FAM107B: variants seen among roughly 807,000 people sequenced by gnomAD.
FAM107B encodes the protein family with sequence similarity 107 member B.
A neutral mutation model predicts 31.5 loss-of-function variants in FAM107B; 21 were observed. That is an observed-to-expected ratio of 0.67 (90% CI 0.47 to 0.96). FAM107B has a LOEUF of 0.96. Ranked by LOEUF, FAM107B falls within the 40% of genes least tolerant of loss-of-function variation. FAM107B has a pLI of 0.00. For synonymous variants in FAM107B, 157 were observed against 141.5 expected, an observed-to-expected ratio of 1.11 and a Z score of -0.78; for missense variants, 452 against 377.1, an observed-to-expected ratio of 1.20 and a Z score of -1.64.
intron 2 of FAM107B, among the ~76,000 whole-genome samples, chr10:14,655,134 T>C (rs1332708520): frequency 6.6e-6 from 1 of 152,124 alleles, no homozygotes; most frequent in Non-Finnish European, 1.5e-5. Flanking sequence ...GGTGCCAGAT[T>C]CTTTAACCGT....
chr10:14,692,375 C>T (rs1855158812), intron 1 of FAM107B, among the ~76,000 whole-genome samples: 1 of 152,142 alleles, frequency 6.6e-6, no homozygotes, highest in Admixed American at 6.5e-5. Context: ...GAATTTCAGG[C>T]TGTTCTACTT....
chr10:14,531,927 G>A (rs1406471771), intron 2 of FAM107B, among the ~76,000 whole-genome samples: 1 of 152,200 alleles, frequency 6.6e-6, no homozygotes, highest in Non-Finnish European at 1.5e-5. Context: ...TCTACACTGA[G>A]TCTGTGTTCT....
At chr10:14,621,670 G>T (rs1853013299) in intron 2 of FAM107B, among the ~76,000 whole-genome samples, 1 of 152,232 alleles carries the variant, frequency 6.6e-6, no homozygotes, top group Non-Finnish European at 1.5e-5. Flanking sequence ...CAGACTAGAA[G>T]CATCTGTTGA....
rs1369913445 is a variant in FAM107B, at chr10:14,551,759, G to A, written c.470-21244C>T. On this transcript the variant is annotated intron_variant, in intron 2 of 4. Transcript: ENST00000181796. ...CTGATAACAACATATTATCACCAAT[G>A]TTAAGGAATATCTTTTTCTCCTTCT... is the stretch of plus-strand genomic sequence containing the variant. Among the ~76,000 whole-genome samples the A allele has an allele frequency of 7.2e-5, 11 of 151,976 alleles. No homozygotes were observed. The East Asian group carries it at 1.9e-3, about 27-fold the overall frequency.
chr10:14,746,162 C>T (rs1270716314), intron 1 of FAM107B, among the ~76,000 whole-genome samples: 2 of 152,078 alleles, frequency 1.3e-5, no homozygotes, highest in Non-Finnish European at 2.9e-5. Context: ...AATTTTCCTC[C>T]ATCCCTTTAT....
chr10:14,601,334 A>C lies in FAM107B; in HGVS notation c.469+66300T>G, dbSNP rs143340324. Among the ~76,000 whole-genome samples the C allele has an allele frequency of 9.5e-3, 1,451 of 152,330 alleles. 29 individuals carry two copies. The highest frequency in any genetic ancestry group is 0.033 in the African/African-American group (1,382 of 41,560). On this transcript the variant is annotated intron_variant, in intron 2 of 4. Transcript: ENST00000181796. ...TGGGTAAGACTGTCCATTCCTCTTC[A>C]GCACGTTTCCTAAGTACTTAGGGTG...
chr10:14,596,801 G>C (rs919120391), intron 2 of FAM107B, among the ~76,000 whole-genome samples: 2 of 152,122 alleles, frequency 1.3e-5, no homozygotes, highest in African/African-American at 4.8e-5. Flanking sequence ...CCTATCCTAA[G>C]GGGTGGCCCA....
chr10:14,556,341 A>C (rs1353147602), intron 2 of FAM107B: 1 of 985,292 alleles, frequency 1.0e-6, no homozygotes, highest in Non-Finnish European at 1.2e-6. Context: ...CCAAATGCAC[A>C]GAAGATCTAG....
intron 2 of FAM107B, among the ~76,000 whole-genome samples, chr10:14,601,523 ACTCGAC>A (rs1296110948): frequency 6.6e-6 from 1 of 152,100 alleles, no homozygotes; most frequent in Non-Finnish European, 1.5e-5. Flanking sequence ...CCAAGGCCAC[ACTCGAC>A]CCCATGATGC....
chr10:14,559,508 T>C (rs1850046620), intron 2 of FAM107B, among the ~76,000 whole-genome samples: 1 of 149,372 alleles, frequency 6.7e-6, no homozygotes, highest in Admixed American at 6.7e-5. Flanking sequence ...AAGGGTCCCC[T>C]AAGCAATTTC....
chr10:14,537,127 G>C lies in FAM107B; in HGVS notation c.470-6612C>G, dbSNP rs549505718. On this transcript the variant is annotated intron_variant, in intron 2 of 4. Transcript: ENST00000181796. ...GTGGCGACACCTCCTCAACTAATGA[G>C]GTGTCCAGACCTGGAATGGCAGGTC... 1.8e-3 allele frequency among the ~76,000 whole-genome samples: 270 copies of C among 152,238 alleles called. 1 individual carries two copies. The highest frequency in any genetic ancestry group is 3.1e-3 in the Non-Finnish European group (212 of 68,018).
At chr10:14,693,344 G>C (rs1422145330) in intron 1 of FAM107B, among the ~76,000 whole-genome samples, 1 of 152,018 alleles carries the variant, frequency 6.6e-6, no homozygotes, top group Admixed American at 6.6e-5. Context: ...AGGGCGTGGT[G>C]GTGGGTGCCT....
chr10:14,767,087 GAGAGAGAGAGAGAC>G lies in FAM107B; in HGVS notation c.411+7152_411+7165del, dbSNP rs1187895434. ...AGAGAGAGAGAGAGAGAGAGAGAGA[GAGAGAGAGAGAGAC>G]AGAGAGAGAGAGAGAGAGAGTTTCC... On this transcript the variant is annotated intron_variant, in intron 1 of 4. Transcript: ENST00000181796. Among the ~76,000 whole-genome samples the G allele has an allele frequency of 2.9e-4, 32 of 111,342 alleles. 1 individual carries two copies. The highest frequency in any genetic ancestry group is 4.3e-3 in the Middle Eastern group (1 of 230). The allele number at this position is 111,342 out of a possible 152,430, so 73.0% of individuals were successfully genotyped here.
chr10:14,677,850 A>G (rs1023089038), intron 1 of FAM107B, among the ~76,000 whole-genome samples: 2 of 152,132 alleles, frequency 1.3e-5, no homozygotes, highest in Non-Finnish European at 2.9e-5. Flanking sequence ...AATTTCAACA[A>G]GCTCTTTGGA....
chr10:14,625,388 C>T (rs1853133536), intron 2 of FAM107B, among the ~76,000 whole-genome samples: 1 of 152,022 alleles, frequency 6.6e-6, no homozygotes, highest in South Asian at 2.1e-4. Context: ...CTGATGACGC[C>T]TCATCTAGTC....
chr10:14,656,087 C>G (rs1451897409), intron 2 of FAM107B, among the ~76,000 whole-genome samples: 1 of 152,148 alleles, frequency 6.6e-6, no homozygotes. Flanking sequence ...TCTCATCTTC[C>G]ATAAAGCGCT....
intron 1 of FAM107B, among the ~76,000 whole-genome samples, chr10:14,688,854 T>C (rs1855054045): frequency 6.6e-6 from 1 of 152,220 alleles, no homozygotes; most frequent in Non-Finnish European, 1.5e-5. Context: ...CCATGCCCTT[T>C]GACCTCTTTC....
chr10:14,613,857 G>C (rs566996771), intron 2 of FAM107B, among the ~76,000 whole-genome samples: 2 of 152,292 alleles, frequency 1.3e-5, no homozygotes, highest in Admixed American at 6.5e-5. Context: ...TCAGCTGGGG[G>C]CAGTGGCTCA....
Position 14,685,145 on chromosome 10 carries a change from T to TA in FAM107B, c.412-17455_412-17454insT, listed in dbSNP as rs1377582959. ...GCCCAGCCAATAACATCCTTTTATT[T>TA]TTTTTTTTTTTTTTTTTTTTTGAGA... On this transcript the variant is annotated intron_variant, in intron 1 of 4. Transcript: ENST00000181796. 4.0e-3 allele frequency among the ~76,000 whole-genome samples: 589 copies of TA among 146,454 alleles called. 3 individuals are homozygous for TA. Among genetic ancestry groups the TA allele is most frequent in the African/African-American group, 0.014 (544 of 39,748 alleles).
Sources: gnomAD v4.1 joint callset for allele counts (sites outside exome capture counted in the v4.1 genomes callset) on GRCh38, gnomAD v4.1.1 for gene constraint, MANE v1.5 for transcripts, NCBI Gene and HGNC (gene_info 2026-07-23, HGNC 2026-07-21) for gene names.